Variants in STPG2 observed in about 807,000 individuals in gnomAD.
STPG2 encodes the protein sperm tail PG-rich repeat containing 2.
In STPG2, 56 loss-of-function variants were observed where a neutral mutation model predicts 54.2. The ratio of observed to expected loss-of-function variants is 1.03; its 90% CI spans 0.83 to 1.29. The LOEUF is 1.29. STPG2 is among the 50% of genes most tolerant of loss of function. The pLI is 0.00. For synonymous variants in STPG2, 200 were observed against 181.8 expected (o/e 1.10, Z -0.81); for missense variants, 596 against 544.9 (o/e 1.09, Z -0.93).
At chr4:97,510,303 T>C (rs1730945062) in intron 4 of STPG2, among the ~76,000 whole-genome samples, 1 of 152,086 alleles carries the variant, frequency 6.6e-6, no homozygotes, top group Admixed American at 6.6e-5. Flanking sequence ...GAGAAAGTGT[T>C]TATAGCAAAT....
At chr4:97,977,020 C>A (rs528565825) in intron 6 of STPG2, among the ~76,000 whole-genome samples, 150 of 152,240 alleles carry the variant, frequency 9.9e-4, no homozygotes, top group African/African-American at 3.3e-3. Context: ...GCTTATGCAA[C>A]CTGAATCACA....
intron 7 of STPG2, among the ~76,000 whole-genome samples, chr4:97,971,389 C>A (rs1734319672): frequency 6.6e-6 from 1 of 152,188 alleles, no homozygotes; most frequent in South Asian, 2.1e-4. Context: ...ATAGCAAAGA[C>A]TTGGAACCAA....
At position 97,783,666 on chromosome 4, in the gene STPG2, G is replaced by A. The variant is rs1175112553; in HGVS notation, c.1204+57107C>T. Among the ~76,000 whole-genome samples, 11 of 152,144 alleles carry A rather than the reference G, an allele frequency of 7.2e-5. 1 individual carries two copies. The highest frequency in any genetic ancestry group is 4.6e-4 in the Admixed American group (7 of 15,276). ...CACTATTCACAATAGCAAAGACTTGGAATCAATCCAAATGTCCATCAGTGA... is the reference window on the plus strand; with the variant it reads ...CACTATTCACAATAGCAAAGACTTGAAATCAATCCAAATGTCCATCAGTGA... On this transcript the variant is annotated intron_variant, in intron 9 of 10. Transcript: ENST00000295268.
intron 5 of STPG2, among the ~76,000 whole-genome samples, chr4:97,995,650 G>A (rs1735181421): frequency 6.6e-6 from 1 of 152,178 alleles, no homozygotes; most frequent in African/African-American, 2.4e-5. Flanking sequence ...AAAATGAACA[G>A]ATAGAGAATA....
At position 97,559,118 on chromosome 4, in the gene STPG2, C is replaced by G. The variant is rs916643874; in HGVS notation, c.1321-1G>C. ...TTCCTTTCTTTTTCTCCTGGGATAT[C>G]TGTTTAATAAGAATGAGAAAAAAAG... On this transcript the variant is annotated splice_acceptor_variant, in intron 10 of 10. Transcript: ENST00000295268. LOFTEE classifies it high-confidence loss of function. The G allele has an allele frequency of 1.3e-6, 2 of 1,592,170 alleles. No homozygotes were observed. Among genetic ancestry groups the G allele is most frequent in the Non-Finnish European group, 1.7e-6 (2 of 1,169,050 alleles).
At chr4:97,951,027 AGCTG>A (rs898339616) in intron 7 of STPG2, among the ~76,000 whole-genome samples, 7 of 152,178 alleles carry the variant, frequency 4.6e-5, no homozygotes, top group African/African-American at 1.7e-4. Context: ...TTGATGAATC[AGCTG>A]GCACCATCCA....
intron 9 of STPG2, among the ~76,000 whole-genome samples, chr4:97,714,740 T>TA (rs1179132488): frequency 3.3e-5 from 5 of 152,030 alleles, no homozygotes; most frequent in Admixed American, 6.6e-5. Context: ...TATTCAGAAT[T>TA]AAAAAAACAC....
chr4:97,982,934 A>G (rs1734724915), intron 5 of STPG2, among the ~76,000 whole-genome samples: 1 of 152,166 alleles, frequency 6.6e-6, no homozygotes, highest in East Asian at 1.9e-4. Context: ...CAAATTCAAC[A>G]CTGCCTCTAT....
At chr4:97,607,644 G>C (rs1164104194) in intron 10 of STPG2, among the ~76,000 whole-genome samples, 1 of 151,978 alleles carries the variant, frequency 6.6e-6, no homozygotes, top group East Asian at 1.9e-4. Context: ...TAGGATATTG[G>C]GATTGGCATG....
intron 5 of STPG2, among the ~76,000 whole-genome samples, chr4:98,017,208 G>A (rs75718660): frequency 1.6e-3 from 240 of 152,332 alleles, no homozygotes; most frequent in African/African-American, 5.5e-3. Flanking sequence ...TGCAAGTACC[G>A]GCTTTTTGCC....
intron 5 of STPG2, among the ~76,000 whole-genome samples, chr4:98,018,295 G>C (rs1236939291): frequency 6.6e-6 from 1 of 151,856 alleles, no homozygotes; most frequent in African/African-American, 2.4e-5. Flanking sequence ...GTGATAGTTT[G>C]CTGAGAATGA....
intron 8 of STPG2, among the ~76,000 whole-genome samples, chr4:97,943,263 A>G (rs185166563): frequency 6.6e-6 from 1 of 152,284 alleles, no homozygotes; most frequent in Admixed American, 6.5e-5. Context: ...GGATTTCAAC[A>G]TATGAATTTT....
At chr4:97,760,974 G>T (rs954454342) in intron 9 of STPG2, among the ~76,000 whole-genome samples, 5 of 152,122 alleles carry the variant, frequency 3.3e-5, no homozygotes, top group Non-Finnish European at 7.4e-5. Flanking sequence ...GCAGTGGCAG[G>T]TTGAGTCTTT....
intron 4 of STPG2, among the ~76,000 whole-genome samples, chr4:97,535,643 T>G (rs1317228389): frequency 6.6e-6 from 1 of 152,180 alleles, no homozygotes; most frequent in African/African-American, 2.4e-5. Context: ...GTATAAAGTG[T>G]GACCCTTTTT....
chr4:97,759,867 C>A (rs1725840173), intron 9 of STPG2, among the ~76,000 whole-genome samples: 1 of 152,136 alleles, frequency 6.6e-6, no homozygotes, highest in Non-Finnish European at 1.5e-5. Flanking sequence ...AACTGAACTA[C>A]TGCAAGAGCT....
rs181612326 is a variant in STPG2 at position 98,072,851 on chromosome 4, C to T, written c.612+33102G>A. On this transcript the variant is annotated intron_variant, in intron 5 of 10. Transcript: ENST00000295268. ...AGCCAACCTAGCAGCTCTAAACACA[C>T]TACTACTTTGAACCTGCTTTATTGC... 4.2e-3 allele frequency among the ~76,000 whole-genome samples: 642 copies of T among 152,330 alleles called. 3 individuals carry two copies. Among genetic ancestry groups the T allele is most frequent in the South Asian group, 0.024 (118 of 4,828 alleles).
intron 9 of STPG2, among the ~76,000 whole-genome samples, chr4:97,816,998 A>G (rs1410900140): frequency 6.8e-6 from 1 of 147,882 alleles, no homozygotes; most frequent in East Asian, 1.9e-4. Context: ...TTTTATATAT[A>G]CATATATTTC....
intron 9 of STPG2, among the ~76,000 whole-genome samples, chr4:97,807,456 A>C (rs1283279428): frequency 6.6e-6 from 1 of 151,988 alleles, no homozygotes; most frequent in Non-Finnish European, 1.5e-5. Context: ...AGTTGAACAG[A>C]CTGCCCCAAA....
At chr4:98,076,694 C>A (rs892087339) in intron 5 of STPG2, among the ~76,000 whole-genome samples, 2 of 152,054 alleles carry the variant, frequency 1.3e-5, no homozygotes, top group African/African-American at 4.8e-5. Context: ...ATGTAAGAGT[C>A]GCAAATGCCA....
Sources: allele counts gnomAD v4.1 joint callset (sites outside exome capture counted in the v4.1 genomes callset), GRCh38; gene constraint gnomAD v4.1.1; transcripts MANE v1.5; gene names NCBI Gene and HGNC (gene_info 2026-07-23, HGNC 2026-07-21).